The following ZNF514 variants were observed in gnomAD, a reference collection of about 807,000 sequenced individuals.
ZNF514 encodes zinc finger protein 514.
In ZNF514, 12 loss-of-function variants were observed where a neutral mutation model predicts 9.7. That is an observed-to-expected ratio of 1.24 (90% CI 0.79 to 2.01). ZNF514 has a LOEUF of 2.01. Ranked by LOEUF, ZNF514 falls within the 30% of genes most tolerant of loss-of-function variation. ZNF514 has a pLI of 0.00. For synonymous variants in ZNF514, 158 were observed against 163.7 expected, an observed-to-expected ratio of 0.97 and a Z score of 0.27; for missense variants, 467 against 465.5, an observed-to-expected ratio of 1.00 and a Z score of -0.03.
the ZNF514 span, among the ~76,000 whole-genome samples, chr2:95,126,392 A>AAAAAAAAAAAAAAAAAAAG: frequency 4.7e-5 from 4 of 84,440 alleles, no homozygotes; most frequent in South Asian, 3.7e-4. Flanking sequence ...AAAAAAAAAA[A>AAAAAAAAAAAAAAAAAAAG]AAAGAAAGAA....
At chr2:95,136,019 G>A in the ZNF514 span, among the ~76,000 whole-genome samples, 1 of 151,822 alleles carries the variant, frequency 6.6e-6, no homozygotes, top group African/African-American at 2.4e-5. Context: ...AACCAAGATC[G>A]TACCACTGCA....
intron 4 of ZNF514, among the ~76,000 whole-genome samples, chr2:95,150,628 C>T (rs1336760496): frequency 6.6e-6 from 1 of 152,170 alleles, no homozygotes; most frequent in Non-Finnish European, 1.5e-5. Context: ...TCGTAAGTCA[C>T]CCAGGTACAG....
At chr2:95,152,608 G>A in intron 4 of ZNF514, 66 bp downstream of exon 4, 1 of 1,350,572 alleles carries the variant, frequency 7.4e-7, no homozygotes, top group Non-Finnish European at 1.1e-6. Flanking sequence ...ACTGACCAAA[G>A]GCTCTGGGCT....
the ZNF514 span, among the ~76,000 whole-genome samples, chr2:95,125,625 G>A: frequency 6.6e-6 from 1 of 152,172 alleles, no homozygotes; most frequent in East Asian, 1.9e-4. Flanking sequence ...ATCCACAGAA[G>A]TCTTTTATCT....
the ZNF514 span, among the ~76,000 whole-genome samples, chr2:95,127,480 T>C: frequency 6.6e-6 from 1 of 152,240 alleles, no homozygotes; most frequent in Non-Finnish European, 1.5e-5. Context: ...ATGGTAACCA[T>C]ACCCAACTTC....
chr2:95,125,518 G>A, the ZNF514 span, among the ~76,000 whole-genome samples: 2,045 of 152,288 alleles, frequency 0.013, 23 homozygotes, highest in Non-Finnish European at 0.022. Flanking sequence ...GATTATAGGC[G>A]TGAGCCACCA....
At chr2:95,125,052 G>A in the ZNF514 span, among the ~76,000 whole-genome samples, 1 of 148,928 alleles carries the variant, frequency 6.7e-6, no homozygotes, top group Non-Finnish European at 1.5e-5. Flanking sequence ...GCTAATTTTT[G>A]TATTTTTGTA....
At chr2:95,139,339 G>T in the ZNF514 span, among the ~76,000 whole-genome samples, 2 of 152,236 alleles carry the variant, frequency 1.3e-5, no homozygotes, top group Non-Finnish European at 2.9e-5. Context: ...GCCACCAGCA[G>T]CTTGCAATCT....
the ZNF514 span, among the ~76,000 whole-genome samples, chr2:95,128,780 GGAGGAA>G: frequency 6.6e-6 from 1 of 150,702 alleles, no homozygotes; most frequent in African/African-American, 2.4e-5. Flanking sequence ...AAGAGAAGGA[GGAGGAA>G]GAGGAGGAGG....
chr2:95,155,090 C>A (rs1673653795), intron 2 of ZNF514: 1 of 152,198 alleles, frequency 6.6e-6, no homozygotes, highest in Admixed American at 6.5e-5. Context: ...GAAACAAATT[C>A]ATAAAAAGCT....
In ZNF514 at chr2:95,150,234, A is replaced by G. The variant is rs200721634; in HGVS notation, c.251T>C (p.Met84Thr). 1.1e-5 allele frequency: 18 copies of G among 1,588,174 alleles called. No individual in the cohort carries two copies. The East Asian group carries it at 3.6e-4, about 32-fold the overall frequency. ...WKRRSKSKES[M>T]PSWGISKEEL... ...TTCTTTGGAAATTCCCCAACTTGGC[A>G]TTGATTCCTTGGATTTAGACCTTCT... is the stretch of plus-strand genomic sequence containing the variant. The change falls in exon 5 of 5, where the codon ATG (methionine) becomes ACG (threonine). Residue 84 changes from methionine to threonine, a missense_variant. Transcript: ENST00000295208.
At chr2:95,151,744 T>C (rs1366008270) in intron 4 of ZNF514, among the ~76,000 whole-genome samples, 3 of 152,204 alleles carry the variant, frequency 2.0e-5, no homozygotes, top group East Asian at 1.9e-4. Context: ...CCTGGGAACC[T>C]GAATGTTTAA....
At chr2:95,135,905 A>G in the ZNF514 span, among the ~76,000 whole-genome samples, 1 of 151,418 alleles carries the variant, frequency 6.6e-6, no homozygotes, top group African/African-American at 2.4e-5. Flanking sequence ...CCCCCTCTCT[A>G]CTAAAAATAC....
At chr2:95,144,596 G>A (rs1330082735), downstream of ZNF514, among the ~76,000 whole-genome samples, 1 of 152,114 alleles carries the variant, frequency 6.6e-6, no homozygotes, top group Non-Finnish European at 1.5e-5. Flanking sequence ...TCTTCCCTAT[G>A]CATCTCATCC....
chr2:95,152,235 C>T (rs941173775), intron 4 of ZNF514, among the ~76,000 whole-genome samples: 1 of 152,210 alleles, frequency 6.6e-6, no homozygotes, highest in African/African-American at 2.4e-5. Context: ...CTTAATCAAG[C>T]TTGAAGTGTC....
At chr2:95,139,571 C>A in the ZNF514 span, among the ~76,000 whole-genome samples, 1 of 151,326 alleles carries the variant, frequency 6.6e-6, no homozygotes, top group African/African-American at 2.4e-5. Flanking sequence ...AATGCCTATA[C>A]ACCCCTTGTA....
At chr2:95,155,212 A>G (rs1208901697) in intron 2 of ZNF514, 1 of 152,194 alleles carries the variant, frequency 6.6e-6, no homozygotes, top group Non-Finnish European at 1.5e-5. Context: ...TATCATCTTC[A>G]TATGACACCA....
At chr2:95,135,704 G>A in the ZNF514 span, among the ~76,000 whole-genome samples, 2 of 151,990 alleles carry the variant, frequency 1.3e-5, no homozygotes, top group Non-Finnish European at 2.9e-5. Flanking sequence ...TTACAGGCAT[G>A]ACCCATCACG....
the ZNF514 span, among the ~76,000 whole-genome samples, chr2:95,139,364 C>T: frequency 6.6e-6 from 1 of 152,220 alleles, no homozygotes; most frequent in African/African-American, 2.4e-5. Flanking sequence ...ATGGAAAAGC[C>T]ACAGAGGTGG....
Sources: allele counts gnomAD v4.1 joint callset (sites outside exome capture counted in the v4.1 genomes callset), GRCh38; gene constraint gnomAD v4.1.1; transcripts MANE v1.5; gene names NCBI Gene and HGNC (gene_info 2026-07-23, HGNC 2026-07-21).